The following HDHD2 variants were observed in gnomAD, a reference collection of about 807,000 sequenced individuals.
HDHD2 encodes the protein haloacid dehalogenase like hydrolase domain containing 2, also known as haloacid dehalogenase-like hydrolase domain-containing protein 2.
HDHD2 carries 26 observed loss-of-function variants against 24.8 expected under a neutral mutation model. The ratio of observed to expected loss-of-function variants is 1.05; its 90% CI spans 0.77 to 1.45. HDHD2 has a LOEUF of 1.45. HDHD2 is among the 40% of genes most tolerant of loss of function. The pLI is 0.00. For synonymous variants in HDHD2, 128 were observed against 114.9 expected, an observed-to-expected ratio of 1.11 and a Z score of -0.73; for missense variants, 299 against 313.4, an observed-to-expected ratio of 0.95 and a Z score of 0.35.
chr18:47,126,304 A>G (rs1240080300), intron 4 of HDHD2, among the ~76,000 whole-genome samples: 1 of 152,218 alleles, frequency 6.6e-6, no homozygotes. Flanking sequence ...GTACAAATGC[A>G]GTACTGAGGC....
intron 6 of HDHD2, chr18:47,111,405 C>G: frequency 1.8e-5 from 17 of 953,088 alleles, no homozygotes; most frequent in Non-Finnish European, 2.1e-5. Context: ...GAAAGAAATA[C>G]TCATGGGAAT....
At chr18:47,131,010 CTT>C (rs1397274179) in intron 3 of HDHD2, among the ~76,000 whole-genome samples, 1 of 152,092 alleles carries the variant, frequency 6.6e-6, no homozygotes, top group Admixed American at 6.6e-5. Flanking sequence ...GAGTTTTGCT[CTT>C]GTTGCCCAGG....
At chr18:47,140,527 CT>C (rs113654730) in intron 1 of HDHD2, among the ~76,000 whole-genome samples, 16 of 151,122 alleles carry the variant, frequency 1.1e-4, no homozygotes. Flanking sequence ...ATTCCAAACT[CT>C]TTTTTTTTGA....
chr18:47,136,054 G>T (rs1033682566), intron 2 of HDHD2, among the ~76,000 whole-genome samples: 1 of 152,144 alleles, frequency 6.6e-6, no homozygotes, highest in African/African-American at 2.4e-5. Context: ...ATTCCACATT[G>T]TAGACTCTTG....
intron 3 of HDHD2, among the ~76,000 whole-genome samples, chr18:47,131,657 AACTT>A (rs1422610027): frequency 1.3e-5 from 2 of 152,208 alleles, no homozygotes; most frequent in Admixed American, 1.3e-4. Flanking sequence ...GCTTGTATTT[AACTT>A]ACTTGATTTT....
At chr18:47,130,415 C>T in intron 3 of HDHD2, 87 bp from the exon 4 acceptor site, 2 of 825,804 alleles carry the variant, frequency 2.4e-6, no homozygotes, top group South Asian at 3.3e-5. Context: ...CAATCAAGTG[C>T]AAACTTTTGC....
chr18:47,133,497 T>TTGGGTATCTACCCAG (rs570277112), intron 3 of HDHD2, among the ~76,000 whole-genome samples: 2 of 104,462 alleles, frequency 1.9e-5, no homozygotes, highest in Non-Finnish European at 4.2e-5. Context: ...TTATAGTCCT[T>TTGGGTATCTACCCAG]TAATGGGATG....
intron 6 of HDHD2, 29 bp downstream of exon 6, chr18:47,112,948 A>G (rs1385994596): frequency 1.3e-6 from 2 of 1,585,568 alleles, no homozygotes; most frequent in Admixed American, 1.7e-5. Context: ...ATTCTGTTTT[A>G]GAAAATGCTT....
At chr18:47,142,969 C>T (rs1236091485) in intron 1 of HDHD2, among the ~76,000 whole-genome samples, 1 of 152,078 alleles carries the variant, frequency 6.6e-6, no homozygotes, top group Non-Finnish European at 1.5e-5. Context: ...AATTTACCTC[C>T]CTACACAGAA....
At chr18:47,147,533 G>A (rs1434384010) in intron 1 of HDHD2, among the ~76,000 whole-genome samples, 1 of 152,118 alleles carries the variant, frequency 6.6e-6, no homozygotes, top group Non-Finnish European at 1.5e-5. Flanking sequence ...ATATACAGAG[G>A]AATCTAAAAT....
intron 1 of HDHD2, among the ~76,000 whole-genome samples, chr18:47,143,410 A>C (rs1320439963): frequency 2.0e-5 from 3 of 152,248 alleles, no homozygotes; most frequent in East Asian, 1.9e-4. Flanking sequence ...TCAGGGCAAC[A>C]CAGTGAGACT....
chr18:47,125,923 TTCACGTAAACAAA>T (rs2063654529), intron 4 of HDHD2, among the ~76,000 whole-genome samples: 1 of 152,360 alleles, frequency 6.6e-6, no homozygotes, highest in Non-Finnish European at 1.5e-5. Context: ...TTATGGTTTG[TTCACGTAAACAAA>T]TCATATTTAG....
chr18:47,115,793 C>T (rs2063553902), intron 4 of HDHD2, among the ~76,000 whole-genome samples: 1 of 152,206 alleles, frequency 6.6e-6, no homozygotes, highest in Non-Finnish European at 1.5e-5. Flanking sequence ...ATCTGAACTC[C>T]TGTTTCCTCT....
At chr18:47,147,627 T>C (rs1451218546) in intron 1 of HDHD2, among the ~76,000 whole-genome samples, 1 of 152,166 alleles carries the variant, frequency 6.6e-6, no homozygotes, top group East Asian at 1.9e-4. Context: ...AAAGAACAAA[T>C]ATGAACAAGA....
chr18:47,131,991 T>C (rs1480899716), intron 3 of HDHD2, among the ~76,000 whole-genome samples: 5 of 152,224 alleles, frequency 3.3e-5, no homozygotes, highest in South Asian at 2.1e-4. Flanking sequence ...GTATACAATA[T>C]TCACATGGTT....
chr18:47,111,672 G>C, intron 6 of HDHD2: 2 of 985,384 alleles, frequency 2.0e-6, no homozygotes, highest in Non-Finnish European at 2.4e-6. Flanking sequence ...CTATCTGCAA[G>C]GCTCCAATGG....
At chr18:47,123,345 T>G (rs904485217) in intron 4 of HDHD2, among the ~76,000 whole-genome samples, 11 of 152,174 alleles carry the variant, frequency 7.2e-5, no homozygotes, top group African/African-American at 2.4e-4. Context: ...CCCAGCACTT[T>G]GGGAGGCCGA....
intron 1 of HDHD2, among the ~76,000 whole-genome samples, chr18:47,145,889 G>T (rs2144394800): frequency 6.6e-6 from 1 of 152,240 alleles, no homozygotes; most frequent in East Asian, 1.9e-4. Flanking sequence ...AGAAAAAGAT[G>T]AACAACCCAA....
At chr18:47,129,531 T>A (rs2063691728) in intron 4 of HDHD2, among the ~76,000 whole-genome samples, 1 of 152,076 alleles carries the variant, frequency 6.6e-6, no homozygotes, top group South Asian at 2.1e-4. Context: ...AACTCAAAAG[T>A]AAGACATGCT....
Sources: allele counts gnomAD v4.1 joint callset (sites outside exome capture counted in the v4.1 genomes callset), GRCh38; gene constraint gnomAD v4.1.1; transcripts MANE v1.5; gene names NCBI Gene and HGNC (gene_info 2026-07-23, HGNC 2026-07-21).